Variants in RAB7A observed in about 807,000 individuals in gnomAD.
RAB7A encodes the protein ras-related protein Rab-7a.
In RAB7A, 2 loss-of-function variants were observed where a neutral mutation model predicts 24.5. The ratio of observed to expected loss-of-function variants is 0.08; its 90% confidence interval spans 0.03 to 0.26. RAB7A has a LOEUF of 0.26. Among genes scored for constraint, RAB7A ranks in the 10% least tolerant of loss-of-function variants. RAB7A has a pLI of 1.00. For synonymous variants in RAB7A, 100 were observed against 95.9 expected (o/e 1.04, Z -0.25); for missense variants, 118 against 255.7 (o/e 0.46, Z 3.67).
At chr3:128,801,642 G>T (rs1288450074) in intron 3 of RAB7A, among the ~76,000 whole-genome samples, 1 of 152,146 alleles carries the variant, frequency 6.6e-6, no homozygotes, top group African/African-American at 2.4e-5. Flanking sequence ...CCAGAAAAGG[G>T]CTGGAAGAAT....
rs187755349 is a variant in RAB7A, at chr3:128,741,073, T to C, written c.-9+14714T>C. 7.1e-4 allele frequency among the ~76,000 whole-genome samples: 108 copies of C among 151,928 alleles called. 1 individual carries two copies. Among genetic ancestry groups the C allele is most frequent in the Admixed American group, 5.5e-3 (84 of 15,256 alleles). On this transcript the variant is annotated intron_variant, in intron 1 of 5. Transcript: ENST00000265062. Reference sequence around the variant, plus strand: ...TACATTTTTTTATATATACTTAAAATTTTTTTTAACTTTCACTTTCTGCTT... The same window carrying C: ...TACATTTTTTTATATATACTTAAAACTTTTTTTAACTTTCACTTTCTGCTT...
chr3:128,795,184 CAG>C (rs1243069704), intron 1 of RAB7A, 174 bp from the exon 2 acceptor site: 3 of 667,110 alleles, frequency 4.5e-6, no homozygotes, highest in Non-Finnish European at 8.3e-6. Flanking sequence ...CTCTTGGGTC[CAG>C]AGTTTTGGTG....
intron 2 of RAB7A, among the ~76,000 whole-genome samples, chr3:128,795,986 C>T (rs1933565940): frequency 1.3e-5 from 2 of 151,866 alleles, no homozygotes; most frequent in Non-Finnish European, 2.9e-5. Flanking sequence ...CTCCTGACCT[C>T]GTGATCCGCC....
intron 1 of RAB7A, among the ~76,000 whole-genome samples, chr3:128,781,587 G>T (rs1204706205): frequency 6.6e-6 from 1 of 152,160 alleles, no homozygotes; most frequent in African/African-American, 2.4e-5. Flanking sequence ...AAGGGTGGGA[G>T]GATCTCTTGA....
chr3:128,792,817 T>TTTTATTTATTTATTTA (rs71618167), intron 1 of RAB7A, among the ~76,000 whole-genome samples: 1 of 137,436 alleles, frequency 7.3e-6, no homozygotes, highest in Non-Finnish European at 1.6e-5. Flanking sequence ...CCGAGCTAAT[T>TTTTATTTATTTATTTA]TTTATTTATT....
chr3:128,810,035 G>A (rs990388269), intron 5 of RAB7A, among the ~76,000 whole-genome samples: 5 of 133,578 alleles, frequency 3.7e-5, no homozygotes, highest in African/African-American at 5.7e-5. Flanking sequence ...TGCAACCTCC[G>A]CCTCCCAGGT....
chr3:128,768,186 G>A (rs1340959278), intron 1 of RAB7A, among the ~76,000 whole-genome samples: 1 of 152,110 alleles, frequency 6.6e-6, no homozygotes, highest in Non-Finnish European at 1.5e-5. Flanking sequence ...TAAGTATACT[G>A]TGTATTTATT....
chr3:128,789,327 CTTTT>C (rs10575679), intron 1 of RAB7A, among the ~76,000 whole-genome samples: 2 of 131,720 alleles, frequency 1.5e-5, no homozygotes, highest in Non-Finnish European at 3.2e-5. Flanking sequence ...ACTTTGTAGC[CTTTT>C]TTTTTTTTTT....
At chr3:128,785,512 A>G (rs938949347) in intron 1 of RAB7A, 3 of 152,228 alleles carry the variant, frequency 2.0e-5, no homozygotes. Context: ...CAATCCCAGC[A>G]CTTTGGGAGG....
At chr3:128,761,582 T>C (rs1259077095) in intron 1 of RAB7A, among the ~76,000 whole-genome samples, 2 of 152,202 alleles carry the variant, frequency 1.3e-5, no homozygotes, top group Non-Finnish European at 2.9e-5. Flanking sequence ...ACAGGCCTTA[T>C]GTACCAAGGT....
chr3:128,783,957 T>C (rs1933275387), intron 1 of RAB7A, among the ~76,000 whole-genome samples: 2 of 152,200 alleles, frequency 1.3e-5, no homozygotes, highest in African/African-American at 4.8e-5. Context: ...TTTGCCATGA[T>C]TATGTCATCT....
intron 5 of RAB7A, among the ~76,000 whole-genome samples, chr3:128,812,970 A>C (rs1359880985): frequency 6.6e-6 from 1 of 152,252 alleles, no homozygotes; most frequent in Non-Finnish European, 1.5e-5. Flanking sequence ...ACTATAGGGA[A>C]CATACAGAAA....
chr3:128,800,962 C>T (rs1933685824), intron 3 of RAB7A, among the ~76,000 whole-genome samples: 1 of 152,168 alleles, frequency 6.6e-6, no homozygotes, highest in African/African-American at 2.4e-5. Flanking sequence ...TGCACAAAGG[C>T]GTCATTATCC....
chr3:128,770,995 G>T (rs146971931), intron 1 of RAB7A, among the ~76,000 whole-genome samples: 58 of 149,736 alleles, frequency 3.9e-4, no homozygotes, highest in African/African-American at 1.4e-3. Flanking sequence ...TTTGAGTCAG[G>T]GTCTCACTCT....
At chr3:128,745,248 T>C (rs2070600760) in intron 1 of RAB7A, among the ~76,000 whole-genome samples, 4 of 152,210 alleles carry the variant, frequency 2.6e-5, no homozygotes, top group African/African-American at 7.2e-5. Context: ...AACTAGGGTA[T>C]GCACTGCCCC....
At chr3:128,809,936 C>CTTTTTTTTTTTTTTGTTTT (rs1933887572) in intron 5 of RAB7A, among the ~76,000 whole-genome samples, 1 of 52,216 alleles carries the variant, frequency 1.9e-5, no homozygotes, top group African/African-American at 8.5e-5. Flanking sequence ...TTGCCACAGT[C>CTTTTTTTTTTTTTTGTTTT]TTTTTTTTTT....
intron 1 of RAB7A, among the ~76,000 whole-genome samples, chr3:128,769,156 A>T (rs1271001913): frequency 6.7e-6 from 1 of 150,298 alleles, no homozygotes; most frequent in Admixed American, 6.6e-5. Context: ...TGCTTCCCAG[A>T]GTGCTGGGAT....
intron 1 of RAB7A, among the ~76,000 whole-genome samples, chr3:128,766,651 TG>T (rs892276984): frequency 1.3e-5 from 2 of 152,050 alleles, no homozygotes; most frequent in African/African-American, 4.8e-5. Flanking sequence ...GTTTATTTTT[TG>T]TAGAGATGGC....
intron 3 of RAB7A, among the ~76,000 whole-genome samples, chr3:128,803,412 G>T (rs1196394674): frequency 1.3e-5 from 2 of 152,078 alleles, no homozygotes; most frequent in African/African-American, 4.8e-5. Context: ...TAACCTGGTG[G>T]ATGCTAGAAT....
Sources: allele counts gnomAD v4.1 joint callset (sites outside exome capture counted in the v4.1 genomes callset), GRCh38; gene constraint gnomAD v4.1.1; transcripts MANE v1.5; gene names NCBI Gene and HGNC (gene_info 2026-07-23, HGNC 2026-07-21).